USP42: variants seen among roughly 807,000 people sequenced by gnomAD.
USP42 encodes ubiquitin specific peptidase 42, also known as ubiquitin carboxyl-terminal hydrolase 42.
In USP42, 23 loss-of-function variants were observed where a neutral mutation model predicts 113.0. The ratio of observed to expected loss-of-function variants is 0.20; its 90% CI spans 0.15 to 0.29. The LOEUF is 0.29. Ranked by LOEUF, USP42 falls within the 10% of genes least tolerant of loss-of-function variation. USP42 has a pLI of 1.00. For missense variants in USP42, 2,174 were observed against 1,779.8 expected (o/e 1.22, Z -3.99); for synonymous variants, 933 against 699.0 (o/e 1.33, Z -5.28).
rs115633720 is a variant in USP42 at position 6,154,131 on chromosome 7, G to A, written c.2577G>A (p.Pro859=). The A allele has an allele frequency of 6.6e-4, 1,062 of 1,598,326 alleles. 11 individuals carry two copies. In the African/African-American group the frequency reaches 0.012, roughly 17 times the overall value. The change falls in exon 15 of 18, where the codon CCG becomes CCA. Residue 859 remains proline, a synonymous_variant. Coordinates refer to ENST00000306177, the MANE Select transcript of USP42 (RefSeq NM_032172.3). ...CCCCGGAAGGGTTGAGTCCGGCTCC[G>A]CCTGCGCGGTCGGAGGAGCCCTGCG... is the stretch of plus-strand genomic sequence containing the variant. ...AEAPEGLSPA[P]PARSEEPCEQ...
chr7:6,154,477 G>A lies in USP42; in HGVS notation c.2923G>A (p.Gly975Ser), dbSNP rs1038919670. 1 of 1,554,738 alleles carries A rather than the reference G, an allele frequency of 6.4e-7. No individual in the cohort carries two copies. The highest frequency in any genetic ancestry group is 8.7e-7 in the Non-Finnish European group (1 of 1,150,294). ...PARESRSKTE[G>S]HRHRRRRTCP... ...CAGAGAGAGCAGGAGCAAGACTGAGGGCCACCGTCACCGGCGGCGCCGCAC... is the reference window on the plus strand; with the variant it reads ...CAGAGAGAGCAGGAGCAAGACTGAGAGCCACCGTCACCGGCGGCGCCGCAC... The change falls in exon 15 of 18, where the codon GGC becomes AGC. Residue 975 changes from glycine to serine, a missense_variant. Coordinates refer to ENST00000306177, the MANE Select transcript of USP42 (RefSeq NM_032172.3).
chr7:6,115,801 A>T (rs1178400672), intron 3 of USP42, among the ~76,000 whole-genome samples: 1 of 152,132 alleles, frequency 6.6e-6, no homozygotes, highest in East Asian at 1.9e-4. Context: ...TTACTAAAAA[A>T]ATGTGACAGA....
At chr7:6,123,025 C>T (rs955468646) in intron 3 of USP42, among the ~76,000 whole-genome samples, 13 of 151,130 alleles carry the variant, frequency 8.6e-5, no homozygotes, top group South Asian at 2.1e-4. Flanking sequence ...GGGTTTCGCC[C>T]GTGTTGGCTA....
chr7:6,141,269 C>T (rs537266504), intron 7 of USP42, among the ~76,000 whole-genome samples: 1 of 132,086 alleles, frequency 7.6e-6, no homozygotes, highest in South Asian at 2.4e-4. Flanking sequence ...GTGGCGTGAT[C>T]TCGGCTCACT....
intron 1 of USP42, among the ~76,000 whole-genome samples, chr7:6,105,459 C>T (rs1299188885): frequency 3.4e-5 from 5 of 147,284 alleles, no homozygotes; most frequent in African/African-American, 2.4e-5. Flanking sequence ...AGTCCGGCGT[C>T]CCCGGCCCGC....
At chr7:6,143,123 C>A in intron 8 of USP42, 109 bp downstream of exon 8, 1 of 1,092,038 alleles carries the variant, frequency 9.2e-7, no homozygotes, top group Non-Finnish European at 1.4e-6. Flanking sequence ...GTTTCTGATA[C>A]CCTCTGGGAA....
At chr7:6,119,263 C>T (rs895140925) in intron 3 of USP42, among the ~76,000 whole-genome samples, 1 of 151,840 alleles carries the variant, frequency 6.6e-6, no homozygotes, top group African/African-American at 2.4e-5. Context: ...TGTTCTTTCT[C>T]CGAGTTATGC....
intron 3 of USP42, among the ~76,000 whole-genome samples, chr7:6,123,814 C>A (rs74638854): frequency 7.3e-6 from 1 of 136,070 alleles, no homozygotes; most frequent in Non-Finnish European, 1.5e-5. Flanking sequence ...ACCAGGGCAA[C>A]GAAAGGAGAC....
intron 3 of USP42, among the ~76,000 whole-genome samples, chr7:6,135,044 C>T (rs1293662306): frequency 6.6e-6 from 1 of 152,204 alleles, no homozygotes; most frequent in Non-Finnish European, 1.5e-5. Context: ...CCCACCTCAG[C>T]TTCCCAGAGT....
chr7:6,105,889 AC>A (rs1472293492), intron 1 of USP42, among the ~76,000 whole-genome samples: 1 of 152,216 alleles, frequency 6.6e-6, no homozygotes, highest in African/African-American at 2.4e-5. Context: ...CCGTGGGGTC[AC>A]TTGTTTATGG....
chr7:6,126,718 T>A (rs924678115), intron 3 of USP42, among the ~76,000 whole-genome samples: 5 of 152,316 alleles, frequency 3.3e-5, no homozygotes, highest in African/African-American at 1.2e-4. Flanking sequence ...TGAGTAGAGC[T>A]GCAGTAAACA....
At chr7:6,123,870 T>C (rs1013920266) in intron 3 of USP42, among the ~76,000 whole-genome samples, 35 of 151,166 alleles carry the variant, frequency 2.3e-4, no homozygotes, top group African/African-American at 8.0e-4. Flanking sequence ...AGTTTTCTTT[T>C]TCGTATCGTT....
chr7:6,149,014 G>A (rs1470691113), intron 12 of USP42, among the ~76,000 whole-genome samples: 2 of 152,238 alleles, frequency 1.3e-5, no homozygotes, highest in East Asian at 3.8e-4. Flanking sequence ...GGCCACACGT[G>A]ATCTGTTAAC....
In USP42 at chr7:6,157,818, G is replaced by A. The variant is rs1299479480; in HGVS notation, c.3943+763G>A. 6.6e-6 allele frequency among the ~76,000 whole-genome samples: 1 copy of A among 152,166 alleles called. No homozygotes were observed. The highest frequency in any genetic ancestry group is 2.4e-5 in the African/African-American group (1 of 41,454). The stretch of plus-strand genomic sequence containing the variant: ...GCCTCCATGTGGCAGAGCGCTGGCT[G>A]CCCCTGCCAGGTGTCCTGGATTCTC... On this transcript the variant is annotated intron_variant, in intron 16 of 17. Coordinates refer to ENST00000306177, the MANE Select transcript of USP42 (RefSeq NM_032172.3). The surrounding 1 kb of genome is among the most constrained non-coding windows in gnomAD (Gnocchi z 4.1).
chr7:6,132,819 G>A (rs1198083349), intron 3 of USP42, among the ~76,000 whole-genome samples: 2 of 151,998 alleles, frequency 1.3e-5, no homozygotes, highest in African/African-American at 4.8e-5. Flanking sequence ...CCACAGGTGC[G>A]TGCCACCACA....
chr7:6,121,033 T>C (rs1454739346), intron 3 of USP42, among the ~76,000 whole-genome samples: 1 of 147,690 alleles, frequency 6.8e-6, no homozygotes, highest in Non-Finnish European at 1.5e-5. Context: ...TTCTAGTAGG[T>C]TTTTTTTTTT....
chr7:6,081,578 G>T, the USP42 span: 1 of 152,084 alleles, frequency 6.6e-6, no homozygotes, highest in Non-Finnish European at 1.5e-5. Context: ...GCCCGCCGCA[G>T]ACCCCGCCCC....
intron 3 of USP42, among the ~76,000 whole-genome samples, chr7:6,134,542 C>G (rs1281636913): frequency 1.3e-5 from 2 of 152,206 alleles, no homozygotes; most frequent in African/African-American, 4.8e-5. Context: ...AGTCAGGCAG[C>G]TCCTCAGCCT....
chr7:6,094,115 C>T, the USP42 span, among the ~76,000 whole-genome samples: 1 of 150,982 alleles, frequency 6.6e-6, no homozygotes, highest in Non-Finnish European at 1.5e-5. Flanking sequence ...AACTCCTGAC[C>T]TCGTGATCCA....
Sources: gnomAD v4.1 joint callset for allele counts (sites outside exome capture counted in the v4.1 genomes callset) on GRCh38, gnomAD v4.1.1 for gene constraint, Gnocchi (gnomAD v3.1) non-coding constraint, MANE v1.5 for transcripts, NCBI Gene and HGNC (gene_info 2026-07-23, HGNC 2026-07-21) for gene names.